The following REEP1 variants were observed in gnomAD, a reference collection of about 807,000 sequenced individuals.
The protein encoded by REEP1 is receptor accessory protein 1.
In REEP1, 22 loss-of-function variants were observed where a neutral mutation model predicts 40.3. The observed-to-expected ratio is 0.55, with a 90% CI of 0.39 to 0.78. REEP1 has a LOEUF of 0.78. REEP1 is among the 30% of genes least tolerant of loss of function. The probability of loss-of-function intolerance (pLI) is 0.00; values close to 1 mark genes in which losing one functional copy is unlikely to be tolerated. For synonymous variants in REEP1, 116 were observed against 139.2 expected (o/e 0.83, Z 1.17); for missense variants, 280 against 361.1 (o/e 0.78, Z 1.82).
intron 5 of REEP1, among the ~76,000 whole-genome samples, chr2:86,245,800 C>T (rs1035544840): frequency 2.7e-5 from 4 of 150,742 alleles, no homozygotes; most frequent in Admixed American, 6.6e-5. Context: ...AGTCTCACTC[C>T]GTCTCCCAGG....
chr2:86,309,027 T>C (rs1679632715), intron 1 of REEP1, among the ~76,000 whole-genome samples: 1 of 152,172 alleles, frequency 6.6e-6, no homozygotes, highest in Admixed American at 6.5e-5. Flanking sequence ...TGAATTTGTT[T>C]AATATAGGTG....
intron 1 of REEP1, among the ~76,000 whole-genome samples, chr2:86,323,048 A>C (rs961395856): frequency 8.5e-5 from 13 of 152,146 alleles, no homozygotes; most frequent in African/African-American, 2.9e-4. Context: ...AAATTCAAAA[A>C]TTAGCCAAGC....
intron 2 of REEP1, among the ~76,000 whole-genome samples, chr2:86,281,604 G>A (rs1022985108): frequency 2.0e-5 from 3 of 152,138 alleles, no homozygotes. Flanking sequence ...CTCCAGCCCA[G>A]GCAACAGAGT....
intron 5 of REEP1, among the ~76,000 whole-genome samples, chr2:86,238,045 G>GCAAAA (rs1675455622): frequency 6.6e-6 from 1 of 152,136 alleles, no homozygotes; most frequent in Non-Finnish European, 1.5e-5. Context: ...GCCAGGCATG[G>GCAAAA]TGGTGCATGC....
chr2:86,272,451 T>C (rs921762200), intron 2 of REEP1, among the ~76,000 whole-genome samples: 4 of 152,226 alleles, frequency 2.6e-5, no homozygotes, highest in African/African-American at 9.7e-5. Context: ...TTTTGGCTAG[T>C]AGTGAAACAA....
chr2:86,328,053 C>A (rs1680597468), intron 1 of REEP1, among the ~76,000 whole-genome samples: 1 of 152,106 alleles, frequency 6.6e-6, no homozygotes. Flanking sequence ...TTGCTGAGAG[C>A]CTGGATTCCA....
chr2:86,271,598 C>G (rs896422859), intron 2 of REEP1, among the ~76,000 whole-genome samples: 2 of 152,196 alleles, frequency 1.3e-5, no homozygotes, highest in Admixed American at 6.5e-5. Flanking sequence ...CTTTGTGACT[C>G]TAAAACATGT....
At chr2:86,289,787 G>T (rs1178737399) in intron 1 of REEP1, among the ~76,000 whole-genome samples, 2 of 152,002 alleles carry the variant, frequency 1.3e-5, no homozygotes, top group South Asian at 2.1e-4. Context: ...GGTTTTGGGG[G>T]TTTTTTTGGT....
At chr2:86,335,040 A>T (rs1169204253) in intron 1 of REEP1, among the ~76,000 whole-genome samples, 5 of 152,210 alleles carry the variant, frequency 3.3e-5, no homozygotes, top group African/African-American at 1.2e-4. Flanking sequence ...CCTCCCCTTG[A>T]TAAGAAGTTC....
At chr2:86,290,352 T>C (rs1678629925) in intron 1 of REEP1, among the ~76,000 whole-genome samples, 1 of 152,150 alleles carries the variant, frequency 6.6e-6, no homozygotes, top group Non-Finnish European at 1.5e-5. Flanking sequence ...CATACCTGAC[T>C]GTAGTGCTGT....
chr2:86,279,618 T>G (rs1258719609), intron 2 of REEP1, among the ~76,000 whole-genome samples: 1 of 152,180 alleles, frequency 6.6e-6, no homozygotes, highest in Non-Finnish European at 1.5e-5. Context: ...TGTAATCACA[T>G]GAATCCTTAA....
At chr2:86,253,395 T>G (rs962249308) in intron 4 of REEP1, among the ~76,000 whole-genome samples, 1 of 152,208 alleles carries the variant, frequency 6.6e-6, no homozygotes, top group Non-Finnish European at 1.5e-5. Flanking sequence ...TCCATTGCTT[T>G]GAGGTGTGCA....
upstream of REEP1, chr2:86,337,798 G>A: frequency 1.2e-6 from 1 of 813,878 alleles, no homozygotes; most frequent in Non-Finnish European, 1.7e-6. This position sits in a 1 kb window ranked among gnomAD's most constrained non-coding sequence, Gnocchi z 5.8. Context: ...CTGGCCCCCG[G>A]CTGAAGGCGG....
chr2:86,261,801 G>A (rs573197075), intron 3 of REEP1, among the ~76,000 whole-genome samples: 14 of 152,344 alleles, frequency 9.2e-5, no homozygotes, highest in Admixed American at 2.0e-4. Flanking sequence ...TCTGTCTCCC[G>A]CCCATCCCTG....
chr2:86,229,598 C>CTTTTTTTTT (rs70956106), intron 6 of REEP1, among the ~76,000 whole-genome samples: 1 of 114,444 alleles, frequency 8.7e-6, no homozygotes, highest in African/African-American at 3.1e-5. Context: ...ACCTGTCTTC[C>CTTTTTTTTT]TTTTTTTTTT....
chr2:86,266,357 C>G (rs1034143166), intron 2 of REEP1, among the ~76,000 whole-genome samples: 1 of 152,328 alleles, frequency 6.6e-6, no homozygotes, highest in Admixed American at 6.5e-5. Context: ...CGGTGGCTCA[C>G]GCCTGTAATC....
At chr2:86,319,594 C>T (rs543806587) in intron 1 of REEP1, among the ~76,000 whole-genome samples, 1 of 152,108 alleles carries the variant, frequency 6.6e-6, no homozygotes, top group African/African-American at 2.4e-5. Flanking sequence ...ACTTGGGAGG[C>T]TGAGGCATGA....
chr2:86,281,179 C>T (rs1678060842), intron 2 of REEP1, among the ~76,000 whole-genome samples: 1 of 151,938 alleles, frequency 6.6e-6, no homozygotes, highest in Admixed American at 6.5e-5. Context: ...TCTCAGTCAG[C>T]GGTGGTCTAA....
chr2:86,288,355 G>A (rs1490104091), intron 1 of REEP1, among the ~76,000 whole-genome samples: 1 of 152,072 alleles, frequency 6.6e-6, no homozygotes. Context: ...ACAGGGTCTC[G>A]CTACATTGCC....
Sources: allele counts gnomAD v4.1 joint callset (sites outside exome capture counted in the v4.1 genomes callset), GRCh38; gene constraint gnomAD v4.1.1; non-coding constraint Gnocchi (gnomAD v3.1); transcripts MANE v1.5; gene names NCBI Gene and HGNC (gene_info 2026-07-23, HGNC 2026-07-21).